CUBN: variants seen among roughly 807,000 people sequenced by gnomAD.
CUBN encodes cubilin, also known as 460 kDa receptor.
A neutral mutation model predicts 405.3 loss-of-function variants in CUBN; 282 were observed. That is an observed-to-expected ratio of 0.70 (90% CI 0.63 to 0.77). CUBN has a LOEUF of 0.77. Among genes scored for constraint, CUBN ranks in the 30% least tolerant of loss-of-function variants. CUBN has a pLI of 0.00. For synonymous variants in CUBN, 1,684 were observed against 1,617.0 expected, an observed-to-expected ratio of 1.04 and a Z score of -0.99; for missense variants, 4,514 against 4,475.2, an observed-to-expected ratio of 1.01 and a Z score of -0.25.
Position 16,950,020 on chromosome 10 carries a change from G to A in CUBN, c.5061C>T (p.His1687=), listed in dbSNP as rs765362847. Residue 1687 remains histidine, a synonymous_variant, in exon 34 of 67, where the codon CAC becomes CAT. Transcript: ENST00000377833. ...AGGTACCTCGGAGGGGCGCGTCTTC[G>A]TGGCCGCCATCCAAAATTTCTACAA... ...RDFVEILDGG[H]EDAPLRGRYC... 21 of 1,613,600 alleles carry A rather than the reference G, an allele frequency of 1.3e-5. No individual in the cohort carries two copies. Among genetic ancestry groups the A allele is most frequent in the African/African-American group, 2.7e-5 (2 of 74,904 alleles).
chr10:17,083,825 G>A (rs918702688), intron 17 of CUBN, among the ~76,000 whole-genome samples: 1 of 152,008 alleles, frequency 6.6e-6, no homozygotes, highest in Non-Finnish European at 1.5e-5. Context: ...ACCAGGCCCA[G>A]CAAACAAAAA....
intron 28 of CUBN, among the ~76,000 whole-genome samples, chr10:17,015,876 T>C (rs1834314448): frequency 6.6e-6 from 1 of 152,194 alleles, no homozygotes; most frequent in Admixed American, 6.5e-5. Flanking sequence ...CCATTTTTTG[T>C]CCTTTCTGAA....
In CUBN at chr10:17,117,280, T is replaced by C. The variant is rs992433307; in HGVS notation, c.594-1683A>G. Among the ~76,000 whole-genome samples, 10 of 152,328 alleles carry C rather than the reference T, an allele frequency of 6.6e-5. No individual in the cohort carries two copies. The South Asian group carries it at 1.2e-3, about 19-fold the overall frequency. ...GGAACTTTAAAACAGTTCATACACA[T>C]ATTTGAGCATTTGATCCAGGAGACT... On this transcript the variant is annotated intron_variant, in intron 6 of 66. Coordinates refer to ENST00000377833, the MANE Select transcript of CUBN (RefSeq NM_001081.4).
intron 17 of CUBN, among the ~76,000 whole-genome samples, chr10:17,076,302 C>A (rs191796048): frequency 6.6e-6 from 1 of 151,990 alleles, no homozygotes; most frequent in African/African-American, 2.4e-5. Context: ...GGAAATGAAA[C>A]CTTATTAATT....
intron 27 of CUBN, 79 bp downstream of exon 27, chr10:17,040,954 A>C (rs1835004064): frequency 7.1e-7 from 1 of 1,410,470 alleles, no homozygotes; most frequent in African/African-American, 1.4e-5. Context: ...TTTTATTCTA[A>C]AAAGCATGAT....
chr10:16,838,334 T>C (rs1370478500), intron 62 of CUBN, among the ~76,000 whole-genome samples: 2 of 152,318 alleles, frequency 1.3e-5, no homozygotes, highest in East Asian at 3.9e-4. Context: ...TAGTCCAGCA[T>C]ATGGGGCTTT....
At chr10:17,080,719 C>T (rs1054972983) in intron 17 of CUBN, among the ~76,000 whole-genome samples, 1 of 152,216 alleles carries the variant, frequency 6.6e-6, no homozygotes, top group Non-Finnish European at 1.5e-5. Context: ...CCTACAACTT[C>T]CCTTCTCTGG....
chr10:16,907,556 T>A lies in CUBN; in HGVS notation c.7657A>T (p.Arg2553Trp). The A allele has an allele frequency of 6.2e-7, 1 of 1,614,168 alleles. No homozygotes were observed. The highest frequency in any genetic ancestry group is 1.3e-5 in the African/African-American group (1 of 75,048). The change falls in exon 49 of 67, where the codon AGG becomes TGG. Residue 2553 changes from arginine (R) to tryptophan (W), a missense_variant. Around this residue, in one of 5 missense-constraint regions of CUBN, gnomAD observed 1,613 missense variants for 1,542.8 expected, o/e 1.05. Coordinates refer to ENST00000377833, the MANE Select transcript of CUBN (RefSeq NM_001081.4). ...MKVIFFTDGS[R>W]PYGGFTASYT... ...GAAGCAGTGAAGCCGCCATATGGCC[T>A]GGATCCATCCGTGAAAAAAATGACT...
chr10:16,959,901 C>A (rs150982112), intron 31 of CUBN, among the ~76,000 whole-genome samples: 1 of 152,266 alleles, frequency 6.6e-6, no homozygotes, highest in African/African-American at 2.4e-5. Flanking sequence ...TAGGCCTCAG[C>A]ATTGATTTTC....
Position 17,088,297 on chromosome 10 carries a change from C to T in CUBN, c.1814G>A (p.Gly605Glu). ...TCCTGGGGGATAGTTTCCAGGATAC[C>T]CCGGAGACTTAATAGAACCGTAAGG... is the stretch of plus-strand genomic sequence containing the variant. ...TGPYGSIKSP[G>E]YPGNYPPGRD... The change falls in exon 15 of 67, where the codon GGG (glycine) becomes GAG (glutamate). Residue 605 changes from glycine to glutamate, a missense_variant. Coordinates refer to ENST00000377833, the MANE Select transcript of CUBN (RefSeq NM_001081.4). The T allele has an allele frequency of 6.2e-7, 1 of 1,613,552 alleles. No homozygotes were observed. The highest frequency in any genetic ancestry group is 8.5e-7 in the Non-Finnish European group (1 of 1,179,640).
At chr10:17,078,390 G>T (rs773060924) in intron 17 of CUBN, among the ~76,000 whole-genome samples, 9 of 151,994 alleles carry the variant, frequency 5.9e-5, no homozygotes, top group African/African-American at 9.7e-5. Context: ...TCTTTGCATT[G>T]CTCACTCCTC....
At chr10:16,926,926 C>T (rs1415147570) in intron 41 of CUBN, among the ~76,000 whole-genome samples, 1 of 151,480 alleles carries the variant, frequency 6.6e-6, no homozygotes, top group Non-Finnish European at 1.5e-5. Flanking sequence ...GCACTGGTTC[C>T]CTGACTAGTA....
chr10:16,834,298 G>A (rs1056159365), intron 64 of CUBN, among the ~76,000 whole-genome samples: 1 of 152,112 alleles, frequency 6.6e-6, no homozygotes, highest in African/African-American at 2.4e-5. Flanking sequence ...GGAGCTCATC[G>A]GGGGCACTGG....
intron 17 of CUBN, among the ~76,000 whole-genome samples, chr10:17,073,366 T>C (rs1240639951): frequency 1.3e-5 from 2 of 152,088 alleles, no homozygotes; most frequent in Admixed American, 6.5e-5. Flanking sequence ...AAAAACATTG[T>C]TAGCATTCCT....
chr10:17,103,164 A>T lies in CUBN; in HGVS notation c.1491T>A (p.Asp497Glu). 3 of 1,613,974 alleles carry T rather than the reference A, an allele frequency of 1.9e-6. No homozygotes were observed. Among genetic ancestry groups the T allele is most frequent in the Non-Finnish European group, 8.5e-7 (1 of 1,179,874 alleles). ...TTTTGATAACCCAGAAGCAGTTAAC[A>T]TCATGAACATAACCAACATCCGGGC... Reference protein sequence around the residue: ...YRSPDVGYVHDVNCFWVIKTE... With the variant: ...YRSPDVGYVHEVNCFWVIKTE... Residue 497 changes from aspartate to glutamate, a missense_variant, in exon 13 of 67, where the codon GAT becomes GAA. Asp to Glu is a conservative substitution (Grantham distance 45). This residue lies in a region of CUBN where 1,448 missense variants were observed against 1,388.0 expected (regional missense o/e 1.04). Transcript: ENST00000377833.
intron 27 of CUBN, among the ~76,000 whole-genome samples, chr10:17,026,989 C>T (rs1834684791): frequency 6.6e-6 from 1 of 152,164 alleles, no homozygotes. Flanking sequence ...AAAAACCCAT[C>T]GAAATACCAC....
intron 22 of CUBN, among the ~76,000 whole-genome samples, chr10:17,052,515 G>C (rs1237706929): frequency 6.6e-6 from 1 of 150,496 alleles, no homozygotes; most frequent in Non-Finnish European, 1.5e-5. Flanking sequence ...CCAGCACTTT[G>C]GGAGGCCGAG....
At chr10:17,002,284 T>C (rs954908591) in intron 28 of CUBN, among the ~76,000 whole-genome samples, 6 of 151,746 alleles carry the variant, frequency 4.0e-5, no homozygotes, top group Non-Finnish European at 2.9e-5. Context: ...TACGAAAAAG[T>C]GTGGAATCCC....
In CUBN at chr10:16,824,143, A is replaced by G. The variant is rs7907825; in HGVS notation, c.*832T>C. ...CAGGGTTTCACTGCAGCCTTAACCT[A>G]CTGGGCTCAAGTGATCCTCCTGCTT... On this transcript the variant is annotated 3_prime_UTR_variant, in exon 67 of 67. Coordinates refer to ENST00000377833, the MANE Select transcript of CUBN (RefSeq NM_001081.4). The G allele has an allele frequency of 6.6e-6, 1 of 151,888 alleles. No homozygotes were observed. Among genetic ancestry groups the G allele is most frequent in the Admixed American group, 6.6e-5 (1 of 15,250 alleles). The allele number at this position is 151,888 out of a possible 1,614,324, so 9.4% of individuals were successfully genotyped here.
Sources: allele counts gnomAD v4.1 joint callset (sites outside exome capture counted in the v4.1 genomes callset), GRCh38; gene constraint gnomAD v4.1.1; regional missense constraint gnomAD v4.1.1; transcripts MANE v1.5; gene names NCBI Gene and HGNC (gene_info 2026-07-23, HGNC 2026-07-21).